PTGIR: variants seen among roughly 807,000 people sequenced by gnomAD.
PTGIR encodes the protein prostacyclin receptor.
In PTGIR, 16 loss-of-function variants were observed where a neutral mutation model predicts 17.6. That is an observed-to-expected ratio of 0.91 (90% CI 0.61 to 1.38). PTGIR has a LOEUF of 1.38. Among genes scored for constraint, PTGIR ranks in the 40% most tolerant of loss-of-function variants. The probability of loss-of-function intolerance (pLI) is 0.00; values close to 1 mark genes in which losing one functional copy is unlikely to be tolerated. For missense variants in PTGIR, 532 were observed against 548.6 expected (o/e 0.97, Z 0.30); for synonymous variants, 274 against 255.4 (o/e 1.07, Z -0.69).
At chr19:46,619,686 T>C (rs909925606), downstream of PTGIR, among the ~76,000 whole-genome samples, 1 of 141,698 alleles carries the variant, frequency 7.1e-6, no homozygotes, top group Non-Finnish European at 1.6e-5. Flanking sequence ...GGATTTATAA[T>C]AGGTTGCCCT....
At chr19:46,614,059 G>T in the PTGIR span, among the ~76,000 whole-genome samples, 11 of 152,324 alleles carry the variant, frequency 7.2e-5, no homozygotes, top group Middle Eastern at 3.4e-3. Context: ...CCCTGGGCAA[G>T]CGCTGAGGGG....
downstream of PTGIR, among the ~76,000 whole-genome samples, chr19:46,619,471 G>A (rs1281085791): frequency 6.9e-6 from 1 of 144,244 alleles, no homozygotes; most frequent in South Asian, 2.2e-4. Flanking sequence ...CTCCAGCCTG[G>A]GTGACAGAGT....
At chr19:46,616,858 C>T (rs954348750), downstream of PTGIR, among the ~76,000 whole-genome samples, 3 of 152,208 alleles carry the variant, frequency 2.0e-5, no homozygotes, top group Non-Finnish European at 4.4e-5. Flanking sequence ...CCCTGACATA[C>T]AGTAGTCCCT....
At chr19:46,620,086 G>A (rs1972036962), downstream of PTGIR, among the ~76,000 whole-genome samples, 1 of 152,170 alleles carries the variant, frequency 6.6e-6, no homozygotes, top group South Asian at 2.1e-4. Flanking sequence ...AATCAGCACT[G>A]CTGAATTTCA....
chr19:46,624,331 A>C, intron 1 of PTGIR, 94 bp from the exon 2 acceptor site: 1 of 1,243,702 alleles, frequency 8.0e-7, no homozygotes, highest in Non-Finnish European at 1.1e-6. Context: ...TCCTTTTGGC[A>C]GCTGGGGCCT....
At chr19:46,622,010 A>T in intron 2 of PTGIR, 1 of 985,448 alleles carries the variant, frequency 1.0e-6, no homozygotes, top group Non-Finnish European at 1.2e-6. Context: ...AAACTGCCGC[A>T]GAGCTGCGGT....
rs781011573 is a variant in PTGIR at position 46,621,700 on chromosome 19, G to A, written c.769-28C>T. 83 of 1,587,162 alleles carry A rather than the reference G, an allele frequency of 5.2e-5. No homozygotes were observed. The Middle Eastern group carries it at 1.4e-3, about 26-fold the overall frequency. On this transcript the variant is annotated intron_variant, in intron 2 of 2. Transcript: ENST00000291294. The surrounding 1 kb of genome is among the most constrained non-coding windows in gnomAD (Gnocchi z 4.8). ...GAGGGCAGGGTGAGGGCGTCAAGGA[G>A]CACCCAGGAGTCCTCAGCCTCCCCA...
the PTGIR span, among the ~76,000 whole-genome samples, chr19:46,613,381 G>T: frequency 2.8e-5 from 1 of 35,940 alleles, no homozygotes; most frequent in Non-Finnish European, 5.0e-5. Context: ...CCCCAGCCTA[G>T]GCTGGAATGC....
the PTGIR span, among the ~76,000 whole-genome samples, chr19:46,614,758 C>A: frequency 3.3e-5 from 5 of 150,914 alleles, no homozygotes; most frequent in African/African-American, 9.8e-5. Flanking sequence ...CGGTGGCTCA[C>A]GCTTCTAATC....
downstream of PTGIR, among the ~76,000 whole-genome samples, chr19:46,617,988 G>A (rs893862467): frequency 7.3e-5 from 11 of 150,198 alleles, no homozygotes; most frequent in Non-Finnish European, 1.5e-4. Context: ...ACATGTGTGC[G>A]CTACCACACC....
rs201806865 is a variant in PTGIR at position 46,621,100 on chromosome 19, T to C, written c.*180A>G. The C allele has an allele frequency of 7.8e-7, 1 of 1,286,832 alleles. No homozygotes were observed. Among genetic ancestry groups the C allele is most frequent in the South Asian group, 3.1e-5 (1 of 31,830 alleles). The allele number at this position is 1,286,832 out of a possible 1,614,324, so 79.7% of individuals were successfully genotyped here. A position where few individuals can be genotyped will look rare whatever the true frequency, so the allele number is the denominator to read the frequency against. On this transcript the variant is annotated 3_prime_UTR_variant, in exon 3 of 3. Transcript: ENST00000291294. The surrounding 1 kb of genome is among the most constrained non-coding windows in gnomAD (Gnocchi z 4.8). The stretch of plus-strand genomic sequence containing the variant: ...TGCACTCCAGGATAAACGTTTCCTC[T>C]GTCCCTCACTCTCTTCCCAGAGCCA...
At chr19:46,613,459 C>G in the PTGIR span, among the ~76,000 whole-genome samples, 5 of 151,170 alleles carry the variant, frequency 3.3e-5, no homozygotes, top group Admixed American at 2.0e-4. Flanking sequence ...GCCTCAGCCT[C>G]CTGAATAGCT....
In PTGIR at chr19:46,621,291, A is replaced by C; in HGVS notation, c.1150T>G (p.Ser384Ala). The stretch of plus-strand genomic sequence containing the variant: ...GTCAGCTTGAAATGTCAGCAGAGGG[A>C]GCAGGCGACGCTGGCTTCTGCTTTG... The part of the protein sequence containing the change: ...SSKAEASVAC[S>A]LC Residue 384 changes from serine (S) to alanine (A), a missense_variant, in exon 3 of 3, where the codon TCC (serine) becomes GCC (alanine). Coordinates refer to ENST00000291294, the MANE Select transcript of PTGIR (RefSeq NM_000960.4). This position sits in a 1 kb window ranked among gnomAD's most constrained non-coding sequence, Gnocchi z 4.8. 1 of 1,510,582 alleles carries C rather than the reference A, an allele frequency of 6.6e-7. No individual in the cohort carries two copies. The highest frequency in any genetic ancestry group is 8.9e-7 in the Non-Finnish European group (1 of 1,129,020). The allele number at this position is 1,510,582 out of a possible 1,614,324, so 93.6% of individuals were successfully genotyped here. A position where few individuals can be genotyped will look rare whatever the true frequency, so the allele number is the denominator to read the frequency against.
At chr19:46,615,840 C>T (rs1356027944), downstream of PTGIR, among the ~76,000 whole-genome samples, 1 of 151,738 alleles carries the variant, frequency 6.6e-6, no homozygotes, top group African/African-American at 2.4e-5. Context: ...CTCGCTCTGT[C>T]GCCCAGGCTG....
the PTGIR span, among the ~76,000 whole-genome samples, chr19:46,612,580 T>A: frequency 6.6e-6 from 1 of 152,204 alleles, no homozygotes. Context: ...AGCCGGAATC[T>A]GAACCAGATC....
the PTGIR span, among the ~76,000 whole-genome samples, chr19:46,612,450 A>G: frequency 0.01 from 1,595 of 152,300 alleles, 24 homozygotes; most frequent in African/African-American, 0.035. Context: ...CCATGAGCTC[A>G]TCGGAGCCTT....
At chr19:46,619,420 G>A (rs190259098), downstream of PTGIR, among the ~76,000 whole-genome samples, 639 of 151,266 alleles carry the variant, frequency 4.2e-3, 5 homozygotes, top group African/African-American at 0.015. Context: ...ACTTGAACCC[G>A]GGAGGCGGAG....
the PTGIR span, among the ~76,000 whole-genome samples, chr19:46,613,869 C>G: frequency 2.6e-5 from 4 of 152,286 alleles, no homozygotes; most frequent in East Asian, 5.8e-4. Context: ...AACGCCCACG[C>G]CTTCTCCCAC....
chr19:46,619,646 AAAGAAAGAAAAG>A (rs763678085), downstream of PTGIR, among the ~76,000 whole-genome samples: 168 of 139,276 alleles, frequency 1.2e-3, 1 homozygote, highest in Non-Finnish European at 2.0e-3. Context: ...AGAAAGAAAG[AAAGAAAGAAAAG>A]AAAGAAAGAA....
Sources: allele counts gnomAD v4.1 joint callset (sites outside exome capture counted in the v4.1 genomes callset), GRCh38; gene constraint gnomAD v4.1.1; non-coding constraint Gnocchi (gnomAD v3.1); transcripts MANE v1.5; gene names NCBI Gene and HGNC (gene_info 2026-07-23, HGNC 2026-07-21).